The following TCAF2 variants were observed in gnomAD, a reference collection of about 807,000 sequenced individuals.
The protein encoded by TCAF2 is TRPM8 channel associated factor 2.
TCAF2 carries 6 observed loss-of-function variants against 33.9 expected under a neutral mutation model. The observed-to-expected ratio is 0.18, with a 90% CI of 0.10 to 0.35. The LOEUF is 0.35. Ranked by LOEUF, TCAF2 falls within the 10% of genes least tolerant of loss-of-function variation. TCAF2 has a pLI of 1.00. For missense variants in TCAF2, 109 were observed against 604.0 expected, an observed-to-expected ratio of 0.18 and a Z score of 8.59; for synonymous variants, 41 against 247.8, an observed-to-expected ratio of 0.17 and a Z score of 7.84.
chr7:143,728,275 T>TCTCA lies in TCAF2; in HGVS notation c.*611_*614dup, dbSNP rs1809730060. On this transcript the variant is annotated 3_prime_UTR_variant, in exon 8 of 8. Coordinates refer to ENST00000684770, the MANE Select transcript of TCAF2 (RefSeq NM_001363538.2). The stretch of plus-strand genomic sequence containing the variant: ...TAGCGTGCACATCCTGGGTGCTGAA[T>TCTCA]CTCACTTCAGTGTTGACCCCCTTGG... The TCTCA allele has an allele frequency of 6.3e-6, 1 of 158,612 alleles. No individual in the cohort carries two copies. 9.8% of individuals were successfully genotyped at this position (158,612 alleles called of 1,614,324 possible).
rs545458920 is a variant in TCAF2 at position 143,729,370 on chromosome 7, A to G, written c.*1703A>G. The G allele has an allele frequency of 1.3e-5, 2 of 152,346 alleles. No individual in the cohort carries two copies. The highest frequency in any genetic ancestry group is 6.5e-5 in the Admixed American group (1 of 15,306). 9.4% of individuals were successfully genotyped at this position (152,346 alleles called of 1,614,324 possible). ...ACTTATTCTTCATGAATGGTTTACA[A>G]TTTAAACAAAATGTCACCTAGAAAA... On this transcript the variant is annotated 3_prime_UTR_variant, in exon 8 of 8. Transcript: ENST00000684770.
Position 143,730,140 on chromosome 7 carries a change from G to A in TCAF2, c.*2473G>A, listed in dbSNP as rs1353454603. 3 of 152,222 alleles carry A rather than the reference G, an allele frequency of 2.0e-5. No homozygotes were observed. Among genetic ancestry groups the A allele is most frequent in the Admixed American group, 6.5e-5 (1 of 15,282 alleles). 9.4% of individuals were successfully genotyped at this position (152,222 alleles called of 1,614,324 possible). On this transcript the variant is annotated 3_prime_UTR_variant, in exon 8 of 8. Coordinates refer to ENST00000684770, the MANE Select transcript of TCAF2 (RefSeq NM_001363538.2). ...GTATATCCAGTAATGGGATTGCTGG[G>A]TCAAATGGTATTTCTGGTTCTAGAT...
intron 1 of TCAF2, among the ~76,000 whole-genome samples, chr7:143,628,110 CAA>C (rs1237202176): frequency 1.4e-3 from 14 of 9,702 alleles, no homozygotes; most frequent in Admixed American, 1.8e-3. Flanking sequence ...GACTCTGTCT[CAA>C]AAAAAAAAAA....
At chr7:143,720,952 G>C (rs1450891158) in intron 3 of TCAF2, 1 of 326,082 alleles carries the variant, frequency 3.1e-6, no homozygotes, top group African/African-American at 2.6e-5. Context: ...GCTAATTTTT[G>C]TATTTTTAGT....
At position 143,729,872 on chromosome 7, in the gene TCAF2, T is replaced by A. The variant is rs1240773134; in HGVS notation, c.*2205T>A. ...AGAACATGTGTTGTTTGGTTTTCTG[T>A]TCCTGTGTTAGTTTGCTGAGAATTA... On this transcript the variant is annotated 3_prime_UTR_variant, in exon 8 of 8. Transcript: ENST00000684770. The A allele has an allele frequency of 6.6e-6, 1 of 152,164 alleles. No homozygotes were observed. The highest frequency in any genetic ancestry group is 2.4e-5 in the African/African-American group (1 of 41,416). 9.4% of individuals were successfully genotyped at this position (152,164 alleles called of 1,614,324 possible). A position where few individuals can be genotyped will look rare whatever the true frequency, so the allele number is the denominator to read the frequency against.
rs1267263099 is a variant in TCAF2, at chr7:143,729,479, A to G, written c.*1812A>G. The G allele has an allele frequency of 6.6e-6, 1 of 152,156 alleles. No individual in the cohort carries two copies. The highest frequency in any genetic ancestry group is 1.9e-4 in the East Asian group (1 of 5,196). 9.4% of individuals were successfully genotyped at this position (152,156 alleles called of 1,614,324 possible). A position where few individuals can be genotyped will look rare whatever the true frequency, so the allele number is the denominator to read the frequency against. On this transcript the variant is annotated 3_prime_UTR_variant, in exon 8 of 8. Coordinates refer to ENST00000684770, the MANE Select transcript of TCAF2 (RefSeq NM_001363538.2). The stretch of plus-strand genomic sequence containing the variant: ...ATTCAATAACAAGTTTAACTTCCAA[A>G]AAGGTGTTGGTATCTGATTTTCTGC...
At position 143,714,168 on chromosome 7, in the gene TCAF2, G is replaced by GT. The variant is rs1432527430; in HGVS notation, c.624-5509dup. 3.3e-5 allele frequency among the ~76,000 whole-genome samples: 2 copies of GT among 60,278 alleles called. 1 individual carries two copies. The highest frequency in any genetic ancestry group is 5.8e-5 in the Non-Finnish European group (2 of 34,272). 39.5% of individuals were successfully genotyped at this position (60,278 alleles called of 152,430 possible). On this transcript the variant is annotated intron_variant, in intron 2 of 7. Transcript: ENST00000684770. ...GTTGGGGGCTGCAGGTCTTCAAAAT[G>GT]TTTTTTACAGCATCTGATCAACATA...
Position 143,647,905 on chromosome 7 carries a change from C to T in TCAF2, c.-12+26885C>T, listed in dbSNP as rs1563171169. ...TGTTTAGTCTTTCTTTCTTTTCTTTCTTTCTTTTCTTTCTTTCTTTCTTTT... is the reference window on the plus strand; with the variant it reads ...TGTTTAGTCTTTCTTTCTTTTCTTTTTTTCTTTTCTTTCTTTCTTTCTTTT... On this transcript the variant is annotated intron_variant, in intron 1 of 7. Coordinates refer to ENST00000684770, the MANE Select transcript of TCAF2 (RefSeq NM_001363538.2). Among the ~76,000 whole-genome samples, 3 of 144,856 alleles carry T rather than the reference C, an allele frequency of 2.1e-5. 1 individual carries two copies. The highest frequency in any genetic ancestry group is 1.4e-4 in the Admixed American group (2 of 13,970).
intron 1 of TCAF2, among the ~76,000 whole-genome samples, chr7:143,650,225 C>CT (rs1292142575): frequency 3.6e-5 from 2 of 55,440 alleles, no homozygotes; most frequent in African/African-American, 5.0e-5. Context: ...ATTTGGGCAG[C>CT]TTTTTTTTGG....
At chr7:143,724,838 C>A (rs1015679658) in intron 7 of TCAF2, 141 bp downstream of exon 7, 20 of 1,565,954 alleles carry the variant, frequency 1.3e-5, no homozygotes, top group Non-Finnish European at 1.7e-5. Flanking sequence ...GGGACTGGGC[C>A]GCAGGGTGGT....
At position 143,712,418 on chromosome 7, in the gene TCAF2, A is replaced by G. The variant is rs576850582; in HGVS notation, c.624-7265A>G. On this transcript the variant is annotated intron_variant, in intron 2 of 7. Coordinates refer to ENST00000684770, the MANE Select transcript of TCAF2 (RefSeq NM_001363538.2). ...CATGCTGATGCACAGGTACTCACAT[A>G]CTCGAGAGGCTGAGGTAGGAGGCTC... Among the ~76,000 whole-genome samples, 223 of 99,570 alleles carry G rather than the reference A, an allele frequency of 2.2e-3. 76 individuals are homozygous for G. The highest frequency in any genetic ancestry group is 4.3e-3 in the Non-Finnish European group (193 of 44,482). 65.3% of individuals were successfully genotyped at this position (99,570 alleles called of 152,430 possible).
rs534674631 is a variant in TCAF2, at chr7:143,729,024, C to T, written c.*1357C>T. ...CAAATTCCCAATTCTAGATAATTTC[C>T]TTTTATTTCTCTAGTACCCTTTGCC... On this transcript the variant is annotated 3_prime_UTR_variant, in exon 8 of 8. Transcript: ENST00000684770. 1 of 152,138 alleles carries T rather than the reference C, an allele frequency of 6.6e-6. No homozygotes were observed. Among genetic ancestry groups the T allele is most frequent in the Non-Finnish European group, 1.5e-5 (1 of 68,022 alleles). 9.4% of individuals were successfully genotyped at this position (152,138 alleles called of 1,614,324 possible).
chr7:143,718,407 GT>G (rs946702656), intron 2 of TCAF2, among the ~76,000 whole-genome samples: 15 of 149,908 alleles, frequency 1.0e-4, no homozygotes, highest in Non-Finnish European at 1.2e-4. Flanking sequence ...TGGTTTCTTG[GT>G]TTTTTATTTT....
At position 143,724,896 on chromosome 7, in the gene TCAF2, C is replaced by T. The variant is rs1809637919; in HGVS notation, c.2505+199C>T. ...AAGGCAGAGAGAATGGCACCTGTCT[C>T]ACTCACCTTCTGATTTTGCAATGTA... On this transcript the variant is annotated intron_variant, in intron 7 of 7. Transcript: ENST00000684770. 5 of 1,403,486 alleles carry T rather than the reference C, an allele frequency of 3.6e-6. No homozygotes were observed. The East Asian group carries it at 1.2e-4, about 35-fold the overall frequency. The allele number at this position is 1,403,486 out of a possible 1,614,324, so 86.9% of individuals were successfully genotyped here.
rs1279009880 is a variant in TCAF2 at position 143,707,329 on chromosome 7, CA to C, written c.623+3730del. ...TGGGCAACAGACTGAGACTCTGTCTCAAAAAAAAAAAAAAAAAAGTGTTAAC... is the reference window on the plus strand; with the variant it reads ...TGGGCAACAGACTGAGACTCTGTCTCAAAAAAAAAAAAAAAAAGTGTTAAC... On this transcript the variant is annotated intron_variant, in intron 2 of 7. Transcript: ENST00000684770. Among the ~76,000 whole-genome samples the C allele has an allele frequency of 2.1e-3, 64 of 31,148 alleles. 1 individual carries two copies. The highest frequency in any genetic ancestry group is 2.8e-3 in the Non-Finnish European group (51 of 17,950). The allele number at this position is 31,148 out of a possible 152,430, so 20.4% of individuals were successfully genotyped here.
intron 1 of TCAF2, among the ~76,000 whole-genome samples, chr7:143,647,916 T>G (rs1260127677): frequency 1.4e-5 from 2 of 144,912 alleles, no homozygotes; most frequent in Admixed American, 1.4e-4. Context: ...TTTCTTTTCT[T>G]TCTTTCTTTC....
At chr7:143,649,346 GT>G (rs1373730568) in intron 1 of TCAF2, among the ~76,000 whole-genome samples, 1 of 87,112 alleles carries the variant, frequency 1.1e-5, no homozygotes, top group African/African-American at 3.7e-5. Flanking sequence ...ATTTTGGGGA[GT>G]TAATGACATT....
rs547301661 is a variant in TCAF2, at chr7:143,724,654, T to C, written c.2462T>C (p.Leu821Pro). The part of the protein sequence containing the change: ...IKAHLGKGAP[L>P]CDWNVWTALE... Reference sequence around the variant, plus strand: ...GCCCACCTGGGAAAGGGAGCCCCCCTGTGTGACTGGAATGTATGGACAGCC... The same window carrying C: ...GCCCACCTGGGAAAGGGAGCCCCCCCGTGTGACTGGAATGTATGGACAGCC... The change falls in exon 7 of 8, where the codon CTG becomes CCG. Residue 821 changes from leucine to proline, a missense_variant. Physicochemically the swap from Leu to Pro is moderately conservative, Grantham distance 98 (BLOSUM62 -3). Coordinates refer to ENST00000684770, the MANE Select transcript of TCAF2 (RefSeq NM_001363538.2). 930 of 1,609,410 alleles carry C rather than the reference T, an allele frequency of 5.8e-4. 6 individuals carry two copies. Among genetic ancestry groups the C allele is most frequent in the South Asian group, 2.5e-3 (230 of 90,796 alleles).
rs879324391 is a variant in TCAF2, at chr7:143,622,568, T to TTTTAC, written c.-12+1558_-12+1562dup. 8.3e-5 allele frequency among the ~76,000 whole-genome samples: 3 copies of TTTTAC among 36,262 alleles called. 1 individual carries two copies. The highest frequency in any genetic ancestry group is 4.8e-3 in the East Asian group (2 of 414). The allele number at this position is 36,262 out of a possible 152,430, so 23.8% of individuals were successfully genotyped here. A position where few individuals can be genotyped will look rare whatever the true frequency, so the allele number is the denominator to read the frequency against. On this transcript the variant is annotated intron_variant, in intron 1 of 7. Transcript: ENST00000684770. ...TAGACATATTCTTTGCTTTATTTTA[T>TTTTAC]TTTACTTTACTTTATTTTATTTTAT...
Sources: allele counts gnomAD v4.1 joint callset (sites outside exome capture counted in the v4.1 genomes callset), GRCh38; gene constraint gnomAD v4.1.1; transcripts MANE v1.5; gene names NCBI Gene and HGNC (gene_info 2026-07-23, HGNC 2026-07-21).